Variants in IQCH observed in about 807,000 individuals in gnomAD.
IQCH encodes the protein IQ motif containing H, also known as IQ domain-containing protein H.
IQCH carries 98 observed loss-of-function variants against 117.0 expected under a neutral mutation model. That is an observed-to-expected ratio of 0.84 (90% confidence interval 0.71 to 0.99). IQCH has a LOEUF of 0.99. Ranked by LOEUF, IQCH falls within the 50% of genes least tolerant of loss-of-function variation. The pLI is 0.00. For synonymous variants in IQCH, 412 were observed against 448.2 expected (o/e 0.92, Z 1.02); for missense variants, 1,102 against 1,243.8 (o/e 0.89, Z 1.72).
chr15:67,373,957 ATAAT>A (rs1970651189), intron 10 of IQCH: 1 of 162,126 alleles, frequency 6.2e-6, no homozygotes, highest in Non-Finnish European at 1.3e-5. Flanking sequence ...GTGAACAAGA[ATAAT>A]TAAGAAGTTG....
chr15:67,349,480 G>A (rs529259638), intron 6 of IQCH, among the ~76,000 whole-genome samples: 25 of 151,926 alleles, frequency 1.6e-4, no homozygotes, highest in East Asian at 3.9e-4. Flanking sequence ...TTAGCCAGGC[G>A]TGGTGGTGGG....
chr15:67,289,606 A>G (rs1319834822), intron 4 of IQCH, among the ~76,000 whole-genome samples: 1 of 152,164 alleles, frequency 6.6e-6, no homozygotes, highest in African/African-American at 2.4e-5. Context: ...TCAGTTTCAT[A>G]CAGTGTTGAA....
intron 4 of IQCH, among the ~76,000 whole-genome samples, chr15:67,282,454 G>A (rs1482856358): frequency 1.3e-5 from 2 of 151,976 alleles, no homozygotes; most frequent in African/African-American, 2.4e-5. Context: ...TAAATGCTAT[G>A]AGGATGGGTG....
chr15:67,255,023 C>G, intron 1 of IQCH, 76 bp downstream of exon 1: 1 of 1,388,908 alleles, frequency 7.2e-7, no homozygotes, highest in Non-Finnish European at 1.0e-6. Context: ...CGCCGATTCA[C>G]CGACGCTCAC....
intron 16 of IQCH, among the ~76,000 whole-genome samples, chr15:67,450,113 A>T (rs988829396): frequency 6.6e-6 from 1 of 152,188 alleles, no homozygotes; most frequent in Admixed American, 6.5e-5. Context: ...TATCAGCTTG[A>T]GATTTTGGGC....
chr15:67,282,536 T>G (rs1217481635), intron 4 of IQCH, among the ~76,000 whole-genome samples: 5 of 152,160 alleles, frequency 3.3e-5, no homozygotes, highest in Non-Finnish European at 7.4e-5. Flanking sequence ...TTACTATTGT[T>G]GTTGTATATC....
intron 4 of IQCH, among the ~76,000 whole-genome samples, chr15:67,318,300 T>C (rs937663126): frequency 6.6e-6 from 1 of 152,074 alleles, no homozygotes; most frequent in African/African-American, 2.4e-5. Flanking sequence ...CCCTCTCTAA[T>C]GAGGAACACA....
chr15:67,497,596 C>T (rs1261468913), intron 20 of IQCH, among the ~76,000 whole-genome samples: 1 of 152,020 alleles, frequency 6.6e-6, no homozygotes, highest in Non-Finnish European at 1.5e-5. Flanking sequence ...TGGGTTCAAG[C>T]AATTCGGCTG....
intron 3 of IQCH, among the ~76,000 whole-genome samples, chr15:67,275,932 G>A (rs1596079242): frequency 6.6e-6 from 1 of 152,230 alleles, no homozygotes; most frequent in African/African-American, 2.4e-5. Context: ...AATTATCTTA[G>A]GAACTAAAGA....
In IQCH at chr15:67,386,061, T is replaced by C. The variant is rs1971099130; in HGVS notation, c.1456+1042T>C. Among the ~76,000 whole-genome samples, 1 of 152,174 alleles carries C rather than the reference T, an allele frequency of 6.6e-6. No individual in the cohort carries two copies. The highest frequency in any genetic ancestry group is 2.4e-5 in the African/African-American group (1 of 41,450). On this transcript the variant is annotated intron_variant, in intron 11 of 20. Transcript: ENST00000335894. The surrounding 1 kb of genome is among the most constrained non-coding windows in gnomAD (Gnocchi z 5.0). ...TTGCTTTAATCTATTATCTAGGCAC[T>C]CAGATTGTTTTTCAGCATTACAAAA...
intron 18 of IQCH, among the ~76,000 whole-genome samples, chr15:67,483,213 TA>T (rs1156664109): frequency 6.6e-6 from 1 of 152,122 alleles, no homozygotes; most frequent in Admixed American, 6.5e-5. Flanking sequence ...GAAGGGCAAC[TA>T]AAACAGTCCT....
intron 5 of IQCH, among the ~76,000 whole-genome samples, chr15:67,343,831 A>G (rs1197730451): frequency 1.3e-5 from 2 of 152,208 alleles, no homozygotes; most frequent in Non-Finnish European, 1.5e-5. Context: ...ACTTTAGTGC[A>G]ATTTTATTTC....
chr15:67,433,925 CCTT>C lies in IQCH; in HGVS notation c.2505+12351_2505+12353del, dbSNP rs202083553. ...GATAAATTTTCTCTTACAAAATTGT[CCTT>C]CTCCGATCCCAGCTTTATTGAGGTA... On this transcript the variant is annotated intron_variant, in intron 16 of 20. Transcript: ENST00000335894. The surrounding 1 kb of genome is among the most constrained non-coding windows in gnomAD (Gnocchi z 5.4). Among the ~76,000 whole-genome samples, 1,385 of 152,222 alleles carry C rather than the reference CCTT, an allele frequency of 9.1e-3. 18 individuals carry two copies. Among genetic ancestry groups the C allele is most frequent in the Non-Finnish European group, 0.012 (794 of 68,004 alleles).
In IQCH at chr15:67,413,411, T is replaced by G. The variant is rs1325831591; in HGVS notation, c.2098-3520T>G. The G allele has an allele frequency of 6.6e-6, 1 of 152,142 alleles. No homozygotes were observed. Among genetic ancestry groups the G allele is most frequent in the Admixed American group, 6.6e-5 (1 of 15,258 alleles). 9.4% of individuals were successfully genotyped at this position (152,142 alleles called of 1,614,324 possible). ...CACCAGTTCACAAGCAGCTTCTGAGTACCAGCAGAAACCAGACTGTAAAGG... is the reference window on the plus strand; with the variant it reads ...CACCAGTTCACAAGCAGCTTCTGAGGACCAGCAGAAACCAGACTGTAAAGG... On this transcript the variant is annotated intron_variant, in intron 14 of 20. Transcript: ENST00000335894. The surrounding 1 kb of genome is among the most constrained non-coding windows in gnomAD (Gnocchi z 5.0).
intron 4 of IQCH, among the ~76,000 whole-genome samples, chr15:67,296,896 C>G (rs968918718): frequency 1.3e-5 from 2 of 152,212 alleles, no homozygotes; most frequent in African/African-American, 4.8e-5. Flanking sequence ...TGTGACCACA[C>G]TCACCTGTTC....
At chr15:67,397,261 A>G (rs906970226) in intron 13 of IQCH, among the ~76,000 whole-genome samples, 1 of 152,232 alleles carries the variant, frequency 6.6e-6, no homozygotes, top group African/African-American at 2.4e-5. Context: ...TTGCTATGAA[A>G]TATTTCAGAA....
At chr15:67,499,749 A>T (rs539745450) in intron 20 of IQCH, among the ~76,000 whole-genome samples, 29 of 152,326 alleles carry the variant, frequency 1.9e-4, no homozygotes, top group Middle Eastern at 6.8e-3. Context: ...TTCTATGGAT[A>T]ATATTTTATA....
At chr15:67,428,091 G>A (rs929280352) in intron 16 of IQCH, among the ~76,000 whole-genome samples, 1 of 152,198 alleles carries the variant, frequency 6.6e-6, no homozygotes, top group Non-Finnish European at 1.5e-5. Context: ...CTCCCAAAGT[G>A]CTGGGATTAC....
rs2083628670 is a variant in IQCH at position 67,490,747 on chromosome 15, C to A, written c.2861+683C>A. Among the ~76,000 whole-genome samples the A allele has an allele frequency of 6.6e-6, 1 of 152,290 alleles. No homozygotes were observed. Among genetic ancestry groups the A allele is most frequent in the South Asian group, 2.1e-4 (1 of 4,828 alleles). On this transcript the variant is annotated intron_variant, in intron 19 of 20. Coordinates refer to ENST00000335894, the MANE Select transcript of IQCH (RefSeq NM_001031715.3). The surrounding 1 kb of genome is among the most constrained non-coding windows in gnomAD (Gnocchi z 4.9). Reference sequence around the variant, plus strand: ...GTGCTCTGGTGACTTCACACGATGTCCCCCTAACAGGCAGGATCTGTAGCT... The same window carrying A: ...GTGCTCTGGTGACTTCACACGATGTACCCCTAACAGGCAGGATCTGTAGCT...
Sources: allele counts gnomAD v4.1 joint callset (sites outside exome capture counted in the v4.1 genomes callset), GRCh38; gene constraint gnomAD v4.1.1; non-coding constraint Gnocchi (gnomAD v3.1); transcripts MANE v1.5; gene names NCBI Gene and HGNC (gene_info 2026-07-23, HGNC 2026-07-21).